Variants in SPATA6 observed in about 807,000 individuals in gnomAD.
SPATA6 encodes the protein spermatogenesis associated 6.
A neutral mutation model predicts 65.3 loss-of-function variants in SPATA6; 56 were observed. That is an observed-to-expected ratio of 0.86 (90% CI 0.69 to 1.07). The LOEUF (loss-of-function observed/expected upper bound fraction) is 1.07, where lower values mean the gene tolerates loss of function less well. Ranked by LOEUF, SPATA6 falls within the 50% of genes least tolerant of loss-of-function variation. The pLI, the probability that SPATA6 is intolerant of heterozygous loss-of-function variation, is 0.00. For missense variants in SPATA6, 590 were observed against 594.8 expected (o/e 0.99, Z 0.08); for synonymous variants, 199 against 213.2 (o/e 0.93, Z 0.58).
intron 11 of SPATA6, among the ~76,000 whole-genome samples, chr1:48,352,383 AT>A (rs1208768674): frequency 6.6e-6 from 1 of 152,106 alleles, no homozygotes; most frequent in Non-Finnish European, 1.5e-5. Flanking sequence ...GATTTGGCCC[AT>A]TTCATTGATC....
chr1:48,347,375 C>A (rs1395340360), intron 11 of SPATA6, among the ~76,000 whole-genome samples: 1 of 150,082 alleles, frequency 6.7e-6, no homozygotes, highest in Non-Finnish European at 1.5e-5. Context: ...ATAACCTAGG[C>A]AATACCATTC....
chr1:48,280,289 A>G, the SPATA6 span, among the ~76,000 whole-genome samples: 1 of 152,198 alleles, frequency 6.6e-6, no homozygotes, highest in African/African-American at 2.4e-5. Context: ...AAGCAAGAGC[A>G]AACACATTCA....
chr1:48,277,008 T>G, the SPATA6 span, among the ~76,000 whole-genome samples: 1 of 152,110 alleles, frequency 6.6e-6, no homozygotes, highest in Non-Finnish European at 1.5e-5. Context: ...ATCTCGGTGC[T>G]CCTTTATTGG....
In SPATA6 at chr1:48,399,344, C is replaced by T. The variant is rs1650919230; in HGVS notation, c.780+7G>A. 5.6e-6 allele frequency: 9 copies of T among 1,607,180 alleles called. No individual in the cohort carries two copies. Among genetic ancestry groups the T allele is most frequent in the Non-Finnish European group, 5.9e-6 (7 of 1,177,010 alleles). On this transcript the variant is annotated splice_region_variant and intron_variant, in intron 7 of 12. Transcript: ENST00000371847. Reference sequence around the variant, plus strand: ...TTTCAAATAGAAATGCTTAAGAGAACACATACATGTCTAATCACAAATGGA... The same window carrying T: ...TTTCAAATAGAAATGCTTAAGAGAATACATACATGTCTAATCACAAATGGA...
intron 3 of SPATA6, among the ~76,000 whole-genome samples, chr1:48,439,289 G>GTCC (rs1021914374): frequency 7.9e-5 from 12 of 152,212 alleles, no homozygotes; most frequent in African/African-American, 2.9e-4. Flanking sequence ...ACCTTCCTCA[G>GTCC]TCCTCCTTGT....
chr1:48,458,587 C>T (rs973496904), intron 1 of SPATA6, among the ~76,000 whole-genome samples: 1 of 151,740 alleles, frequency 6.6e-6, no homozygotes, highest in Admixed American at 6.6e-5. Flanking sequence ...TATGTCCATA[C>T]AATGAAATAT....
chr1:48,448,981 C>T (rs541976231), intron 3 of SPATA6, among the ~76,000 whole-genome samples: 1 of 152,044 alleles, frequency 6.6e-6, no homozygotes, highest in African/African-American at 2.4e-5. Context: ...TATAAATTTT[C>T]TAGAAATCAT....
chr1:48,401,195 C>G (rs944172725), intron 6 of SPATA6, among the ~76,000 whole-genome samples: 1 of 151,962 alleles, frequency 6.6e-6, no homozygotes, highest in Non-Finnish European at 1.5e-5. Flanking sequence ...AACTCTTCCC[C>G]CAAGTTCTTT....
chr1:48,457,586 G>A (rs898532353), intron 1 of SPATA6, among the ~76,000 whole-genome samples: 3 of 152,200 alleles, frequency 2.0e-5, no homozygotes, highest in Admixed American at 6.5e-5. Context: ...CCAGTAGGCA[G>A]AGTGATAACT....
At chr1:48,403,748 C>A in intron 6 of SPATA6, 54 bp downstream of exon 6, 2 of 1,434,878 alleles carry the variant, frequency 1.4e-6, no homozygotes, top group Non-Finnish European at 1.9e-6. Flanking sequence ...CAAAAGGCCA[C>A]AAATATGACC....
intron 1 of SPATA6, among the ~76,000 whole-genome samples, chr1:48,454,279 ACATT>A (rs1297876084): frequency 1.3e-5 from 2 of 152,002 alleles, no homozygotes. Context: ...TCCCAACAAC[ACATT>A]CAAAGTATAT....
At chr1:48,434,918 T>C (rs987542805) in intron 3 of SPATA6, among the ~76,000 whole-genome samples, 3 of 151,952 alleles carry the variant, frequency 2.0e-5, no homozygotes, top group African/African-American at 4.8e-5. Flanking sequence ...TCTATGAATG[T>C]AAAATTGCCC....
At chr1:48,314,702 T>G (rs1645347819) in intron 11 of SPATA6, among the ~76,000 whole-genome samples, 1 of 151,816 alleles carries the variant, frequency 6.6e-6, no homozygotes, top group South Asian at 2.1e-4. Flanking sequence ...AGAGCAGAAC[T>G]GAAGGAGACA....
At chr1:48,388,138 C>T (rs1261137858) in intron 8 of SPATA6, among the ~76,000 whole-genome samples, 1 of 152,158 alleles carries the variant, frequency 6.6e-6, no homozygotes, top group Non-Finnish European at 1.5e-5. Context: ...GACTAGACTA[C>T]CTAGTGTCCC....
intron 3 of SPATA6, chr1:48,436,365 G>C: frequency 1.2e-6 from 2 of 1,612,098 alleles, no homozygotes; most frequent in Non-Finnish European, 1.7e-6. Context: ...GCTGGCTTTG[G>C]GTTATTTCTC....
downstream of SPATA6, among the ~76,000 whole-genome samples, chr1:48,294,621 T>C (rs1644788844): frequency 6.6e-6 from 1 of 152,266 alleles, no homozygotes; most frequent in African/African-American, 2.4e-5. Context: ...ATCTTTATTC[T>C]TAACTGACTC....
intron 11 of SPATA6, among the ~76,000 whole-genome samples, chr1:48,342,167 T>C (rs190172541): frequency 2.4e-4 from 36 of 152,288 alleles, no homozygotes; most frequent in Admixed American, 1.7e-3. Flanking sequence ...TCACCTCTGC[T>C]GTTGTAGTTT....
chr1:48,446,534 T>C (rs1656069937), intron 3 of SPATA6, among the ~76,000 whole-genome samples: 2 of 152,172 alleles, frequency 1.3e-5, no homozygotes, highest in Non-Finnish European at 2.9e-5. Flanking sequence ...CCCTGCAGTA[T>C]TTCTTCAGGG....
intron 8 of SPATA6, among the ~76,000 whole-genome samples, chr1:48,394,741 G>A (rs1650419598): frequency 6.6e-6 from 1 of 151,704 alleles, no homozygotes. Flanking sequence ...GGCTGCTAGG[G>A]AATACTTGTT....
Sources: allele counts gnomAD v4.1 joint callset (sites outside exome capture counted in the v4.1 genomes callset), GRCh38; gene constraint gnomAD v4.1.1; transcripts MANE v1.5; gene names NCBI Gene and HGNC (gene_info 2026-07-23, HGNC 2026-07-21).